Variants in TEAD1 observed in about 807,000 individuals in gnomAD.
The protein encoded by TEAD1 is TEA domain transcription factor 1, also known as transcriptional enhancer factor TEF-1.
Under a neutral mutation model 54.9 loss-of-function variants are expected in TEAD1, and 9 were observed. The ratio of observed to expected loss-of-function variants is 0.16; its 90% CI spans 0.10 to 0.29. The LOEUF (loss-of-function observed/expected upper bound fraction) is 0.29, where lower values mean the gene tolerates loss of function less well. Ranked by LOEUF, TEAD1 falls within the 10% of genes least tolerant of loss-of-function variation. The pLI is 1.00. For missense variants in TEAD1, 387 were observed against 535.9 expected (o/e 0.72, Z 2.74); for synonymous variants, 200 against 187.8 (o/e 1.07, Z -0.53).
chr11:12,763,287 C>G (rs564477867), intron 2 of TEAD1, among the ~76,000 whole-genome samples: 2 of 152,266 alleles, frequency 1.3e-5, no homozygotes, highest in South Asian at 4.1e-4. Flanking sequence ...GAAATACTCC[C>G]CCACAGTTTT....
chr11:12,925,578 A>T (rs979508923), intron 11 of TEAD1, among the ~76,000 whole-genome samples: 1 of 152,152 alleles, frequency 6.6e-6, no homozygotes, highest in Non-Finnish European at 1.5e-5. Context: ...AGCCAAAGTG[A>T]TTTGGAAGCA....
chr11:12,891,754 G>A (rs1367701641), intron 9 of TEAD1, among the ~76,000 whole-genome samples: 2 of 152,212 alleles, frequency 1.3e-5, no homozygotes, highest in Non-Finnish European at 2.9e-5. Flanking sequence ...ATTTCACAGT[G>A]TATGAGAAAA....
intron 9 of TEAD1, among the ~76,000 whole-genome samples, chr11:12,891,654 A>G (rs1395888388): frequency 1.3e-5 from 2 of 152,236 alleles, no homozygotes; most frequent in Admixed American, 6.5e-5. Context: ...TGAAATACCT[A>G]TTAGAGACAG....
Position 12,764,834 on chromosome 11 carries a change from C to T in TEAD1, c.202+400C>T, listed in dbSNP as rs549672998. Among the ~76,000 whole-genome samples, 5 of 150,596 alleles carry T rather than the reference C, an allele frequency of 3.3e-5. No homozygotes were observed. The East Asian group carries it at 9.8e-4, about 29-fold the overall frequency. On this transcript the variant is annotated intron_variant, in intron 3 of 12. Transcript: ENST00000527636. ...TGTCACTAGGAATGGGGGCCTGGTGCTCCCGAATCCCTTGATTGCCCCCAG... is the reference window on the plus strand; with the variant it reads ...TGTCACTAGGAATGGGGGCCTGGTGTTCCCGAATCCCTTGATTGCCCCCAG...
intron 2 of TEAD1, among the ~76,000 whole-genome samples, chr11:12,757,177 G>T (rs908679210): frequency 6.6e-6 from 1 of 152,038 alleles, no homozygotes; most frequent in Admixed American, 6.5e-5. Context: ...TGCTCGTCCC[G>T]TTGCCACTGT....
chr11:12,917,603 G>A lies in TEAD1; in HGVS notation c.874-7309G>A, dbSNP rs80260888. Among the ~76,000 whole-genome samples, 561 of 152,272 alleles carry A rather than the reference G, an allele frequency of 3.7e-3. 1 individual carries two copies. The highest frequency in any genetic ancestry group is 0.017 in the East Asian group (90 of 5,190). ...AAACTCCTGGGCGTAAGTGGCCAGC[G>A]TGCCTGGCCCAGCAGCATTATTGAA... On this transcript the variant is annotated intron_variant, in intron 10 of 12. Coordinates refer to ENST00000527636, the MANE Select transcript of TEAD1 (RefSeq NM_021961.6).
intron 2 of TEAD1, among the ~76,000 whole-genome samples, chr11:12,710,928 A>T (rs1305366994): frequency 6.6e-6 from 1 of 152,110 alleles, no homozygotes; most frequent in African/African-American, 2.4e-5. Context: ...TTGCAGGCAG[A>T]GGGCCCAGCT....
chr11:12,875,907 C>T (rs1947845620), intron 5 of TEAD1, among the ~76,000 whole-genome samples: 1 of 152,210 alleles, frequency 6.6e-6, no homozygotes, highest in Admixed American at 6.5e-5. Context: ...CCCAGAAGGA[C>T]ATTAGGCAGT....
At chr11:12,688,293 G>A (rs747757467) in intron 2 of TEAD1, among the ~76,000 whole-genome samples, 2 of 152,170 alleles carry the variant, frequency 1.3e-5, no homozygotes, top group Non-Finnish European at 2.9e-5. Flanking sequence ...AAGACACTGG[G>A]TCTTTGAAAT....
chr11:12,788,883 A>G (rs564538555), intron 3 of TEAD1, among the ~76,000 whole-genome samples: 1 of 152,298 alleles, frequency 6.6e-6, no homozygotes, highest in South Asian at 2.1e-4. Context: ...GGGATTAAAA[A>G]CCAATTTAAC....
rs1007228756 is a variant in TEAD1, at chr11:12,942,361, A to G, written c.*5139A>G. On this transcript the variant is annotated 3_prime_UTR_variant, in exon 13 of 13. Coordinates refer to ENST00000527636, the MANE Select transcript of TEAD1 (RefSeq NM_021961.6). ...TAACCAACCACAGGCCTCTGTTCAC[A>G]AGAGCACGACGTGGTCCCCGCCTGC... 6.6e-5 allele frequency: 10 copies of G among 152,354 alleles called. No homozygotes were observed. Among genetic ancestry groups the G allele is most frequent in the African/African-American group, 2.2e-4 (9 of 41,440 alleles). 9.4% of individuals were successfully genotyped at this position (152,354 alleles called of 1,614,324 possible). A position where few individuals can be genotyped will look rare whatever the true frequency, so the allele number is the denominator to read the frequency against.
intron 2 of TEAD1, among the ~76,000 whole-genome samples, chr11:12,751,720 A>C (rs1261342048): frequency 7.5e-6 from 1 of 133,120 alleles, no homozygotes; most frequent in African/African-American, 2.5e-5. Context: ...CATGTTTCAG[A>C]ATCATTTTAA....
At position 12,943,691 on chromosome 11, in the gene TEAD1, C is replaced by T. The variant is rs1949181089; in HGVS notation, c.*6469C>T. On this transcript the variant is annotated 3_prime_UTR_variant, in exon 13 of 13. Transcript: ENST00000527636. Reference sequence around the variant, plus strand: ...CATGATGAGATTTTTTTTCTCCTTCCCCTTTCTTTAAGAGAGGCTGACAGA... The same window carrying T: ...CATGATGAGATTTTTTTTCTCCTTCTCCTTTCTTTAAGAGAGGCTGACAGA... 2 of 151,974 alleles carry T rather than the reference C, an allele frequency of 1.3e-5. No individual in the cohort carries two copies. Among genetic ancestry groups the T allele is most frequent in the South Asian group, 4.1e-4 (2 of 4,826 alleles). The allele number at this position is 151,974 out of a possible 1,614,324, so 9.4% of individuals were successfully genotyped here.
chr11:12,765,724 A>G (rs551467268), intron 3 of TEAD1, among the ~76,000 whole-genome samples: 7 of 152,284 alleles, frequency 4.6e-5, no homozygotes, highest in African/African-American at 1.7e-4. Context: ...TGTCACACAC[A>G]GGGGAGAAGG....
At chr11:12,849,464 T>C (rs1434366415) in intron 3 of TEAD1, 1 of 152,222 alleles carries the variant, frequency 6.6e-6, no homozygotes, top group African/African-American at 2.4e-5. Context: ...TGTTATTCCT[T>C]CTCATCATGC....
rs1483729781 is a variant in TEAD1 at position 12,942,145 on chromosome 11, G to A, written c.*4923G>A. ...CATAGTTTACTATGAAAAGCAAATT[G>A]TACTTTTTAATGTTGCCTTTTAAAT... On this transcript the variant is annotated 3_prime_UTR_variant, in exon 13 of 13. Transcript: ENST00000527636. 1 of 152,628 alleles carries A rather than the reference G, an allele frequency of 6.6e-6. No homozygotes were observed. The highest frequency in any genetic ancestry group is 1.5e-5 in the Non-Finnish European group (1 of 68,028). 9.5% of individuals were successfully genotyped at this position (152,628 alleles called of 1,614,324 possible).
At chr11:12,852,943 A>C (rs1439762119) in intron 3 of TEAD1, among the ~76,000 whole-genome samples, 1 of 152,228 alleles carries the variant, frequency 6.6e-6, no homozygotes, top group Non-Finnish European at 1.5e-5. Flanking sequence ...TGCCTAGTTA[A>C]GAGTCAAGCC....
chr11:12,861,078 G>A (rs975481311), intron 3 of TEAD1, among the ~76,000 whole-genome samples: 1 of 152,182 alleles, frequency 6.6e-6, no homozygotes, highest in Admixed American at 6.5e-5. Context: ...GCTATGAAAT[G>A]GTGGTTTTCC....
At chr11:12,721,826 C>T (rs928265400) in intron 2 of TEAD1, among the ~76,000 whole-genome samples, 2 of 152,220 alleles carry the variant, frequency 1.3e-5, no homozygotes, top group African/African-American at 2.4e-5. Flanking sequence ...TCAAGCCCCC[C>T]GCCCCACTGT....
Sources: gnomAD v4.1 joint callset for allele counts (sites outside exome capture counted in the v4.1 genomes callset) on GRCh38, gnomAD v4.1.1 for gene constraint, MANE v1.5 for transcripts, NCBI Gene and HGNC (gene_info 2026-07-23, HGNC 2026-07-21) for gene names.